Variants in WASF3 observed in about 807,000 individuals in gnomAD.
WASF3 encodes the protein WASP family member 3.
A neutral mutation model predicts 46.6 loss-of-function variants in WASF3; 11 were observed. The observed-to-expected ratio is 0.24, with a 90% CI of 0.15 to 0.39. The LOEUF (loss-of-function observed/expected upper bound fraction) is 0.39, where lower values mean the gene tolerates loss of function less well. Ranked by LOEUF, WASF3 falls within the 10% of genes least tolerant of loss-of-function variation. The probability of loss-of-function intolerance (pLI) is 1.00; values close to 1 mark genes in which losing one functional copy is unlikely to be tolerated. For missense variants in WASF3, 576 were observed against 669.8 expected (o/e 0.86, Z 1.55); for synonymous variants, 242 against 259.7 (o/e 0.93, Z 0.65).
chr13:26,560,018 A>ATG (rs1879247077), intron 1 of WASF3, among the ~76,000 whole-genome samples: 1 of 151,628 alleles, frequency 6.6e-6, no homozygotes, highest in African/African-American at 2.4e-5. Context: ...CAGTTTCACC[A>ATG]TGTTGGACAG....
rs543962155 is a variant in WASF3 at position 26,610,661 on chromosome 13, G to T, written c.-108-2300G>T. On this transcript the variant is annotated intron_variant, in intron 1 of 9. Transcript: ENST00000335327. ...CAAGGCCAGAGGTAGGAAGTTACAG[G>T]GCAATTCTGCTTCTGGACAGTAGCC... Among the ~76,000 whole-genome samples, 22 of 152,154 alleles carry T rather than the reference G, an allele frequency of 1.4e-4. 1 individual carries two copies. Among genetic ancestry groups the T allele is most frequent in the Non-Finnish European group, 1.6e-4 (11 of 68,018 alleles).
chr13:26,613,545 G>A (rs1022970916), intron 2 of WASF3, among the ~76,000 whole-genome samples: 2 of 152,160 alleles, frequency 1.3e-5, no homozygotes, highest in Non-Finnish European at 2.9e-5. Flanking sequence ...CGAGGTGGGT[G>A]GATCATGAGG....
intron 3 of WASF3, 109 bp downstream of exon 3, chr13:26,642,512 TC>T: frequency 7.7e-7 from 1 of 1,299,980 alleles, no homozygotes; most frequent in Non-Finnish European, 1.0e-6. Context: ...AAGGAAAAGA[TC>T]CTTTCTCCTT....
intron 2 of WASF3, among the ~76,000 whole-genome samples, chr13:26,618,434 A>G (rs1439043926): frequency 1.3e-5 from 2 of 151,884 alleles, no homozygotes; most frequent in Non-Finnish European, 2.9e-5. Flanking sequence ...AATTTGAGAC[A>G]TTTCCTTCTC....
At chr13:26,670,887 C>T (rs1882909143) in intron 5 of WASF3, among the ~76,000 whole-genome samples, 1 of 152,190 alleles carries the variant, frequency 6.6e-6, no homozygotes, top group Non-Finnish European at 1.5e-5. Context: ...TGGTAAGACA[C>T]TTAACAGGAG....
In WASF3 at chr13:26,664,435, A is replaced by G. The variant is rs13378958; in HGVS notation, c.134-593A>G. On this transcript the variant is annotated intron_variant, in intron 3 of 9. Transcript: ENST00000335327. Reference sequence around the variant, plus strand: ...TTACATTTTAAGAAAAGTGGGAGTTATATCTGGCACTCAGAGGAATGTGGA... The same window carrying G: ...TTACATTTTAAGAAAAGTGGGAGTTGTATCTGGCACTCAGAGGAATGTGGA... Among the ~76,000 whole-genome samples, 442 of 152,358 alleles carry G rather than the reference A, an allele frequency of 2.9e-3. 1 individual carries two copies. The highest frequency in any genetic ancestry group is 9.6e-3 in the African/African-American group (398 of 41,592).
chr13:26,636,817 A>G (rs1881838944), intron 2 of WASF3, among the ~76,000 whole-genome samples: 1 of 152,190 alleles, frequency 6.6e-6, no homozygotes, highest in Non-Finnish European at 1.5e-5. Flanking sequence ...CCAGAGCCAT[A>G]TCACAGGTGT....
the WASF3 span, among the ~76,000 whole-genome samples, chr13:26,542,670 A>G: frequency 6.6e-6 from 1 of 152,226 alleles, no homozygotes; most frequent in Non-Finnish European, 1.5e-5. Context: ...ACACAAAGCT[A>G]TATGTTAGCC....
chr13:26,625,212 A>G (rs1396914827), intron 2 of WASF3, among the ~76,000 whole-genome samples: 4 of 152,212 alleles, frequency 2.6e-5, no homozygotes, highest in Non-Finnish European at 5.9e-5. Context: ...AGAAAATGGA[A>G]ATATACTGTT....
intron 2 of WASF3, among the ~76,000 whole-genome samples, chr13:26,629,785 T>A (rs924834330): frequency 6.6e-6 from 1 of 152,160 alleles, no homozygotes; most frequent in African/African-American, 2.4e-5. Flanking sequence ...TAGTTTGAAT[T>A]AATAACTTGA....
At chr13:26,656,994 T>C (rs1004835885) in intron 3 of WASF3, among the ~76,000 whole-genome samples, 1 of 152,210 alleles carries the variant, frequency 6.6e-6, no homozygotes, top group African/African-American at 2.4e-5. Flanking sequence ...CTAAAGACTA[T>C]GGACTTTCCT....
intron 1 of WASF3, among the ~76,000 whole-genome samples, chr13:26,558,826 A>G (rs917102851): frequency 7.2e-5 from 11 of 152,244 alleles, no homozygotes; most frequent in Admixed American, 3.9e-4. Flanking sequence ...GCATAGCAGA[A>G]CATGGTATTT....
At chr13:26,646,214 T>C (rs1882146169) in intron 3 of WASF3, among the ~76,000 whole-genome samples, 1 of 152,192 alleles carries the variant, frequency 6.6e-6, no homozygotes, top group African/African-American at 2.4e-5. Flanking sequence ...GATATTAATA[T>C]ATTACAGGGG....
intron 1 of WASF3, among the ~76,000 whole-genome samples, chr13:26,583,733 C>T (rs1253335448): frequency 1.3e-5 from 2 of 152,302 alleles, no homozygotes; most frequent in East Asian, 3.9e-4. Context: ...CTTTTAGCTT[C>T]GACCATCTTT....
chr13:26,623,333 G>A (rs1881364395), intron 2 of WASF3, among the ~76,000 whole-genome samples: 1 of 152,132 alleles, frequency 6.6e-6, no homozygotes, highest in Non-Finnish European at 1.5e-5. Flanking sequence ...CAGGCATGAT[G>A]TAACACCTGC....
intron 1 of WASF3, among the ~76,000 whole-genome samples, chr13:26,559,163 C>T (rs1430474016): frequency 2.0e-5 from 3 of 152,200 alleles, no homozygotes; most frequent in African/African-American, 7.2e-5. Flanking sequence ...CTCCAGCTCC[C>T]TTCTCCCAGG....
At chr13:26,584,710 C>T (rs1489647110) in intron 1 of WASF3, among the ~76,000 whole-genome samples, 1 of 152,124 alleles carries the variant, frequency 6.6e-6, no homozygotes, top group Non-Finnish European at 1.5e-5. Flanking sequence ...ATCTAGGAAA[C>T]ATGCAGCAAA....
chr13:26,677,909 G>A (rs1883113490), intron 7 of WASF3, among the ~76,000 whole-genome samples: 1 of 151,988 alleles, frequency 6.6e-6, no homozygotes, highest in Non-Finnish European at 1.5e-5. Flanking sequence ...CGTATACTTT[G>A]TTTTTATCCT....
At chr13:26,607,665 T>G (rs1880840756) in intron 1 of WASF3, among the ~76,000 whole-genome samples, 1 of 151,964 alleles carries the variant, frequency 6.6e-6, no homozygotes, top group Non-Finnish European at 1.5e-5. Flanking sequence ...AGGGTCTTGC[T>G]CTGTCGCCCA....
Sources: gnomAD v4.1 joint callset for allele counts (sites outside exome capture counted in the v4.1 genomes callset) on GRCh38, gnomAD v4.1.1 for gene constraint, MANE v1.5 for transcripts, NCBI Gene and HGNC (gene_info 2026-07-23, HGNC 2026-07-21) for gene names.